The following PCDHA5 variants were observed in gnomAD, a reference collection of about 807,000 sequenced individuals.
PCDHA5 encodes the protein protocadherin alpha 5.
A neutral mutation model predicts 61.6 loss-of-function variants in PCDHA5; 43 were observed. That is an observed-to-expected ratio of 0.70 (90% CI 0.55 to 0.90). The LOEUF is 0.90. PCDHA5 is among the 40% of genes least tolerant of loss of function. The pLI is 0.00. For synonymous variants in PCDHA5, 627 were observed against 543.9 expected, an observed-to-expected ratio of 1.15 and a Z score of -2.13; for missense variants, 1,298 against 1,222.7, an observed-to-expected ratio of 1.06 and a Z score of -0.92.
At chr5:140,915,690 T>G (rs1330039439) in intron 1 of PCDHA5, among the ~76,000 whole-genome samples, 1 of 151,558 alleles carries the variant, frequency 6.6e-6, no homozygotes, top group African/African-American at 2.4e-5. Context: ...AGGGGTATGG[T>G]GATGCAAGCA....
At chr5:140,888,645 C>A (rs1275572541) in intron 1 of PCDHA5, among the ~76,000 whole-genome samples, 2 of 152,200 alleles carry the variant, frequency 1.3e-5, no homozygotes, top group African/African-American at 4.8e-5. Context: ...GCAATACTTT[C>A]CTGAGGACAC....
At chr5:140,835,480 G>A (rs1343566248) in intron 1 of PCDHA5, 1 of 1,613,772 alleles carries the variant, frequency 6.2e-7, no homozygotes, top group Non-Finnish European at 8.5e-7. Flanking sequence ...GCCCAACCAG[G>A]TACCGTCATC....
At chr5:140,986,135 A>G (rs2097188048) in intron 3 of PCDHA5, among the ~76,000 whole-genome samples, 1 of 152,256 alleles carries the variant, frequency 6.6e-6, no homozygotes, top group Non-Finnish European at 1.5e-5. Flanking sequence ...GAAAGGATCA[A>G]CAAGGGCATC....
intron 1 of PCDHA5, chr5:140,829,510 C>T (rs2150169186): frequency 6.2e-7 from 1 of 1,613,546 alleles, no homozygotes; most frequent in Admixed American, 1.7e-5. Context: ...CGGGCTGCCA[C>T]ATCTTCACGG....
At chr5:140,874,354 T>C (rs1554167160) in intron 1 of PCDHA5, among the ~76,000 whole-genome samples, 5 of 152,214 alleles carry the variant, frequency 3.3e-5, no homozygotes, top group Non-Finnish European at 7.3e-5. Context: ...TGATCTTGAA[T>C]TAATGAATAA....
At chr5:140,844,546 A>G (rs1268882110) in intron 1 of PCDHA5, among the ~76,000 whole-genome samples, 2 of 149,518 alleles carry the variant, frequency 1.3e-5, no homozygotes, top group Non-Finnish European at 3.0e-5. Context: ...CCCTTTGTTC[A>G]TGAGTTGGAA....
chr5:140,969,863 C>G (rs1305470999), intron 1 of PCDHA5, among the ~76,000 whole-genome samples: 2 of 152,156 alleles, frequency 1.3e-5, no homozygotes, highest in Non-Finnish European at 2.9e-5. Context: ...CTGGTACTTG[C>G]ACTGAACCTA....
At position 140,854,145 on chromosome 5, in the gene PCDHA5, G is replaced by T. The variant is rs1403834220; in HGVS notation, c.2352+30018G>T. ...CAACTGCATTTCAGCCCGGGTGACA[G>T]CAAGATTCTGTCTCAAAAAAAAAAA... On this transcript the variant is annotated intron_variant, in intron 1 of 3. Coordinates refer to ENST00000529859, the MANE Select transcript of PCDHA5 (RefSeq NM_018908.3). The T allele has an allele frequency of 1.6e-5, 7 of 435,310 alleles. 1 individual carries two copies. The highest frequency in any genetic ancestry group is 2.0e-5 in the Non-Finnish European group (7 of 352,084). The allele number at this position is 435,310 out of a possible 1,614,324, so 27.0% of individuals were successfully genotyped here.
At chr5:140,967,025 C>G (rs2153750258) in intron 1 of PCDHA5, 1 of 1,608,362 alleles carries the variant, frequency 6.2e-7, no homozygotes, top group Middle Eastern at 1.7e-4. Flanking sequence ...TGCGCCCAGT[C>G]CGCGCTACCT....
At chr5:140,866,395 T>A (rs1483002508) in intron 1 of PCDHA5, 1 of 152,120 alleles carries the variant, frequency 6.6e-6, no homozygotes, top group Non-Finnish European at 1.5e-5. Context: ...AGACATAGAT[T>A]CCCATGAAAA....
intron 1 of PCDHA5, chr5:140,848,913 C>A (rs2150424583): frequency 6.2e-7 from 1 of 1,608,160 alleles, no homozygotes; most frequent in South Asian, 1.1e-5. Flanking sequence ...ACAAAAGAAT[C>A]TGTTCATCGC....
intron 1 of PCDHA5, chr5:140,834,143 T>C: frequency 1.9e-6 from 1 of 514,248 alleles, no homozygotes. Flanking sequence ...GATTAATAGT[T>C]TGTAATGGTT....
rs2150129375 is a variant in PCDHA5, at chr5:140,823,820, C to T, written c.2045C>T (p.Ser682Leu). 1.2e-6 allele frequency: 2 copies of T among 1,613,790 alleles called. No individual in the cohort carries two copies. Among genetic ancestry groups the T allele is most frequent in the South Asian group, 1.1e-5 (1 of 91,070 alleles). Reference sequence around the variant, plus strand: ...GCGCCGAAGGCCTCATCGCGGGCGTCGGCGGGCGCTGTGGGTCCCGAGGCT... The same window carrying T: ...GCGCCGAAGGCCTCATCGCGGGCGTTGGCGGGCGCTGTGGGTCCCGAGGCT... ...GQAPKASSRA[S>L]AGAVGPEAAL... The change falls in exon 1 of 4, where the codon TCG becomes TTG. Residue 682 changes from serine to leucine, a missense_variant. Physicochemically the swap from Ser to Leu is moderately radical, Grantham distance 145. Coordinates refer to ENST00000529859, the MANE Select transcript of PCDHA5 (RefSeq NM_018908.3).
At chr5:140,938,937 C>T (rs1302555937) in intron 1 of PCDHA5, among the ~76,000 whole-genome samples, 4 of 152,070 alleles carry the variant, frequency 2.6e-5, no homozygotes, top group African/African-American at 9.7e-5. Context: ...TTTAACTTTC[C>T]ATTCTTATAA....
In PCDHA5 at chr5:140,850,262, A is replaced by G. The variant is rs2150476444; in HGVS notation, c.2352+26135A>G. 32 of 1,594,296 alleles carry G rather than the reference A, an allele frequency of 2.0e-5. 1 individual carries two copies. The highest frequency in any genetic ancestry group is 2.7e-5 in the African/African-American group (2 of 74,230). On this transcript the variant is annotated intron_variant, in intron 1 of 3. Transcript: ENST00000529859. ...TGCTGCGGTCGGTGGGCGCCGGCGT[A>G]GTGGTGGGGAAGGTGCGCGCAGTGG...
rs2150476590 is a variant in PCDHA5, at chr5:140,850,267, T to G, written c.2352+26140T>G. The G allele has an allele frequency of 4.4e-6, 7 of 1,592,494 alleles. 2 individuals carry two copies. Among genetic ancestry groups the G allele is most frequent in the Non-Finnish European group, 6.0e-6 (7 of 1,166,766 alleles). On this transcript the variant is annotated intron_variant, in intron 1 of 3. Coordinates refer to ENST00000529859, the MANE Select transcript of PCDHA5 (RefSeq NM_018908.3). ...CGGTCGGTGGGCGCCGGCGTAGTGG[T>G]GGGGAAGGTGCGCGCAGTGGACGCC...
chr5:140,965,206 T>A (rs2095879920), intron 1 of PCDHA5, among the ~76,000 whole-genome samples: 1 of 152,238 alleles, frequency 6.6e-6, no homozygotes. Flanking sequence ...AGATTTCAAA[T>A]TCCTGTGGAA....
At chr5:140,900,700 T>C (rs557185787) in intron 1 of PCDHA5, among the ~76,000 whole-genome samples, 1 of 152,352 alleles carries the variant, frequency 6.6e-6, no homozygotes, top group South Asian at 2.1e-4. Context: ...ATTTCCGTTC[T>C]TTTGGAAAGA....
intron 1 of PCDHA5, chr5:140,843,522 C>T: frequency 1.1e-5 from 17 of 1,595,794 alleles, no homozygotes; most frequent in Non-Finnish European, 1.5e-5. Flanking sequence ...GGGTGCCGGG[C>T]GGGCAAGCCC....
Sources: allele counts gnomAD v4.1 joint callset (sites outside exome capture counted in the v4.1 genomes callset), GRCh38; gene constraint gnomAD v4.1.1; transcripts MANE v1.5; gene names NCBI Gene and HGNC (gene_info 2026-07-23, HGNC 2026-07-21).